Variants in ANKRD26 observed in about 807,000 individuals in gnomAD.
ANKRD26 encodes ankyrin repeat domain-containing protein 26.
A neutral mutation model predicts 208.7 loss-of-function variants in ANKRD26; 141 were observed. That is an observed-to-expected ratio of 0.68 (90% confidence interval 0.59 to 0.78). The LOEUF (loss-of-function observed/expected upper bound fraction) is 0.78, where lower values mean the gene tolerates loss of function less well. Among genes scored for constraint, ANKRD26 ranks in the 30% least tolerant of loss-of-function variants. ANKRD26 has a pLI of 0.00. For missense variants in ANKRD26, 1,889 were observed against 1,938.7 expected (o/e 0.97, Z 0.48); for synonymous variants, 636 against 660.4 (o/e 0.96, Z 0.57).
chr10:27,077,758 G>T (rs541909959), intron 7 of ANKRD26, 65 bp from the exon 8 acceptor site: 2 of 1,334,546 alleles, frequency 1.5e-6, no homozygotes, highest in African/African-American at 1.5e-5. Context: ...TAAAATAATC[G>T]TAATAGATAG....
intron 1 of ANKRD26, among the ~76,000 whole-genome samples, chr10:27,098,978 G>C (rs991874871): frequency 6.6e-6 from 1 of 151,848 alleles, no homozygotes; most frequent in African/African-American, 2.4e-5. Context: ...TGTATCTATT[G>C]CCACTTTCTT....
chr10:27,002,145 TG>T (rs2052739290), downstream of ANKRD26, among the ~76,000 whole-genome samples: 1 of 151,802 alleles, frequency 6.6e-6, no homozygotes, highest in Non-Finnish European at 1.5e-5. Flanking sequence ...TGGGAAAGGA[TG>T]GGGTGAAGAC....
At chr10:26,995,264 T>C (rs186406699) in intron 4 of ANKRD26, 1 of 449,064 alleles carries the variant, frequency 2.2e-6, no homozygotes, top group Middle Eastern at 3.3e-4. Context: ...GATGAGAGTT[T>C]AGAAGGGTCT....
At chr10:27,081,439 T>C (rs1006193378) in intron 6 of ANKRD26, among the ~76,000 whole-genome samples, 1 of 152,274 alleles carries the variant, frequency 6.6e-6, no homozygotes, top group Admixed American at 6.5e-5. Context: ...ACCTGTAGGA[T>C]GATAAAGAAG....
chr10:27,044,318 G>T, intron 18 of ANKRD26, 128 bp from the exon 19 acceptor site: 1 of 844,822 alleles, frequency 1.2e-6, no homozygotes, highest in Non-Finnish European at 1.7e-6. Context: ...AAAGTTTACA[G>T]GAATCTTTTT....
At chr10:27,054,793 G>C (rs1287273973) in intron 15 of ANKRD26, among the ~76,000 whole-genome samples, 3 of 152,128 alleles carry the variant, frequency 2.0e-5, no homozygotes, top group Admixed American at 1.3e-4. Flanking sequence ...ACCAGCAGTT[G>C]AGTAATCCCA....
Position 27,046,368 on chromosome 10 carries a change from T to A in ANKRD26, c.1970A>T (p.Asp657Val), listed in dbSNP as rs193178384. ...TAGATTTTACCTTCCTTCATCCTCA[T>A]CTATTTCACTTAAACTGCTGTCATC... Reference protein sequence around the residue: ...VDDDSSLSEIDEDEGRPTKKT... With the variant: ...VDDDSSLSEIVEDEGRPTKKT... The change falls in exon 18 of 34, where the codon GAT becomes GTT. Residue 657 changes from aspartate (D) to valine (V), a missense_variant. By Grantham distance (152) the Asp-to-Val change is radical (BLOSUM62 -3). Coordinates refer to ENST00000376087, the MANE Select transcript of ANKRD26 (RefSeq NM_014915.3). 2.3e-4 allele frequency: 372 copies of A among 1,614,080 alleles called. 1 individual carries two copies. The highest frequency in any genetic ancestry group is 9.9e-4 in the Middle Eastern group (6 of 6,060).
chr10:27,038,421 G>A (rs562078789), intron 21 of ANKRD26, among the ~76,000 whole-genome samples: 54 of 152,264 alleles, frequency 3.5e-4, no homozygotes, highest in Non-Finnish European at 4.7e-4. Flanking sequence ...AGGCCGAGGC[G>A]CGCAGATCAC....
chr10:27,010,618 C>T (rs894315160), intron 32 of ANKRD26, among the ~76,000 whole-genome samples: 1 of 152,152 alleles, frequency 6.6e-6, no homozygotes, highest in African/African-American at 2.4e-5. Context: ...GCCTCAGCCT[C>T]CCAAGAAGCT....
intron 3 of ANKRD26, among the ~76,000 whole-genome samples, chr10:26,985,057 T>G (rs979053059): frequency 6.6e-6 from 1 of 152,174 alleles, no homozygotes; most frequent in African/African-American, 2.4e-5. Context: ...GCCATCGCTG[T>G]TGCTTGCCTG....
chr10:27,082,182 C>T (rs187121886), intron 6 of ANKRD26, among the ~76,000 whole-genome samples: 1 of 151,146 alleles, frequency 6.6e-6, no homozygotes, highest in Admixed American at 6.6e-5. Context: ...AGAAATAAAC[C>T]AGAAATATCC....
intron 1 of ANKRD26, among the ~76,000 whole-genome samples, chr10:27,094,122 A>T (rs1326477496): frequency 6.6e-6 from 1 of 152,094 alleles, no homozygotes; most frequent in Non-Finnish European, 1.5e-5. Context: ...CTCCTTGCTG[A>T]CACCATGTCA....
rs536070659 is a variant in ANKRD26 at position 27,071,315 on chromosome 10, G to A, written c.1078-4029C>T. On this transcript the variant is annotated intron_variant, in intron 9 of 33. Transcript: ENST00000376087. ...CGAGGAGCTGGGACTACAGGCGCCC[G>A]CCACCAAGCCCGGCTAATTTTTTGT... Among the ~76,000 whole-genome samples the A allele has an allele frequency of 2.6e-3, 385 of 150,408 alleles. 2 individuals carry two copies. Among genetic ancestry groups the A allele is most frequent in the African/African-American group, 8.7e-3 (358 of 41,078 alleles).
At chr10:27,099,564 G>T (rs1020437561) in intron 1 of ANKRD26, among the ~76,000 whole-genome samples, 1 of 127,240 alleles carries the variant, frequency 7.9e-6, no homozygotes, top group African/African-American at 3.0e-5. Flanking sequence ...ATTAGAGTTG[G>T]GGGGGGGGGT....
the ANKRD26 span, among the ~76,000 whole-genome samples, chr10:26,957,349 C>G: frequency 6.6e-6 from 1 of 151,996 alleles, no homozygotes; most frequent in African/African-American, 2.4e-5. Flanking sequence ...AGTTGGGCCA[C>G]CACACTACAG....
intron 1 of ANKRD26, among the ~76,000 whole-genome samples, chr10:27,095,125 T>C (rs1030158968): frequency 6.6e-6 from 1 of 152,196 alleles, no homozygotes; most frequent in African/African-American, 2.4e-5. Flanking sequence ...ACAACTATAA[T>C]TGGAAGCATT....
intron 25 of ANKRD26, among the ~76,000 whole-genome samples, chr10:27,032,229 T>C (rs2053887166): frequency 2.0e-5 from 3 of 152,338 alleles, no homozygotes; most frequent in African/African-American, 7.2e-5. Flanking sequence ...ATGGGTGCGG[T>C]GGCTCACATC....
chr10:27,034,913 T>C lies in ANKRD26; in HGVS notation c.3537A>G (p.Gln1179=), dbSNP rs1174116034. Reference sequence around the variant, plus strand: ...GAAGACTTTGCTTTTCACTCTCAGCTTGAAGTTTTTGCACAATAGCATGAA... The same window carrying C: ...GAAGACTTTGCTTTTCACTCTCAGCCTGAAGTTTTTGCACAATAGCATGAA... ...DQFHAIVQKL[Q]AESEKQSLLL... is the part of the protein sequence containing the mutation. Residue 1179 remains glutamine (Q), a synonymous_variant, in exon 24 of 34, where the codon CAA becomes CAG. Transcript: ENST00000376087. The C allele has an allele frequency of 2.5e-6, 4 of 1,613,858 alleles. No individual in the cohort carries two copies. The South Asian group carries it at 4.4e-5, about 18-fold the overall frequency.
Position 27,041,503 on chromosome 10 carries a change from A to G in ANKRD26, c.2162-1325T>C, listed in dbSNP as rs147959831. Among the ~76,000 whole-genome samples, 84 of 152,356 alleles carry G rather than the reference A, an allele frequency of 5.5e-4. 1 individual carries two copies. The highest frequency in any genetic ancestry group is 1.9e-3 in the African/African-American group (78 of 41,582). On this transcript the variant is annotated intron_variant, in intron 20 of 33. Coordinates refer to ENST00000376087, the MANE Select transcript of ANKRD26 (RefSeq NM_014915.3). ...CAGGAGTGGGGAATTAGCCCAAATCATAAAAGCAATATAGGAAAAAGTCAA... is the reference window on the plus strand; with the variant it reads ...CAGGAGTGGGGAATTAGCCCAAATCGTAAAAGCAATATAGGAAAAAGTCAA...
Sources: allele counts gnomAD v4.1 joint callset (sites outside exome capture counted in the v4.1 genomes callset), GRCh38; gene constraint gnomAD v4.1.1; transcripts MANE v1.5; gene names NCBI Gene and HGNC (gene_info 2026-07-23, HGNC 2026-07-21).